The following CFAP92 variants were observed in gnomAD, a reference collection of about 807,000 sequenced individuals.
The protein encoded by CFAP92 is cilia and flagella associated protein 92 (putative), also known as uncharacterized protein CFAP92.
In CFAP92, 86 loss-of-function variants were observed where a neutral mutation model predicts 106.3. The observed-to-expected ratio is 0.81, with a 90% CI of 0.68 to 0.97. The LOEUF is 0.97. Ranked by LOEUF, CFAP92 falls within the 50% of genes least tolerant of loss-of-function variation. CFAP92 has a pLI of 0.00. For missense variants in CFAP92, 1,204 were observed against 1,283.8 expected (o/e 0.94, Z 0.95); for synonymous variants, 477 against 506.4 (o/e 0.94, Z 0.78).
chr3:128,911,528 C>CCACCA lies in CFAP92; in HGVS notation c.3281-1196_3281-1195insTGGTG, dbSNP rs1175499491. The stretch of plus-strand genomic sequence containing the variant: ...TCTTGGCTCACTGCAACCTCCACCT[C>CCACCA]CTGGGTTCAAGCAACTCCTGTGCCT... On this transcript the variant is annotated intron_variant, in intron 15 of 15. Transcript: ENST00000645291. 3.9e-5 allele frequency among the ~76,000 whole-genome samples: 6 copies of CCACCA among 152,322 alleles called. No homozygotes were observed. In the East Asian group the frequency reaches 1.2e-3, roughly 29 times the overall value.
intron 9 of CFAP92, among the ~76,000 whole-genome samples, chr3:128,961,314 C>T (rs1941897876): frequency 6.6e-6 from 1 of 150,796 alleles, no homozygotes; most frequent in Admixed American, 6.6e-5. Context: ...TCTTTCCCTC[C>T]CGCCTGTCCC....
In CFAP92 at chr3:128,980,881, C is replaced by T. The variant is rs373998862; in HGVS notation, c.668-2696G>A. Among the ~76,000 whole-genome samples, 223 of 152,258 alleles carry T rather than the reference C, an allele frequency of 1.5e-3. 2 individuals are homozygous for T. In the Middle Eastern group the frequency reaches 0.041, roughly 28 times the overall value. ...TTTCCACCACATCTGCAGTGACTTG[C>T]TCCACTGAAGACTTGAACCCTTCAG... On this transcript the variant is annotated intron_variant, in intron 4 of 15. Coordinates refer to ENST00000645291, the MANE Select transcript of CFAP92 (RefSeq NM_001394090.1).
chr3:129,016,544 G>C, the CFAP92 span, among the ~76,000 whole-genome samples: 1 of 148,604 alleles, frequency 6.7e-6, no homozygotes, highest in South Asian at 2.4e-4. Context: ...GTGCCCGTGA[G>C]CTCCACCTGC....
intron 8 of CFAP92, 54 bp downstream of exon 8, chr3:128,971,232 CG>C: frequency 6.2e-7 from 1 of 1,611,952 alleles, no homozygotes; most frequent in Non-Finnish European, 8.5e-7. Flanking sequence ...CGCTTATGGC[CG>C]TTCTGGCCAC....
intron 9 of CFAP92, among the ~76,000 whole-genome samples, chr3:128,952,649 T>C (rs1157853924): frequency 6.6e-6 from 1 of 152,118 alleles, no homozygotes; most frequent in African/African-American, 2.4e-5. Flanking sequence ...GGTGTGGTGG[T>C]GCATGCCTTT....
At chr3:128,911,828 T>C (rs1936361723) in intron 15 of CFAP92, among the ~76,000 whole-genome samples, 1 of 152,224 alleles carries the variant, frequency 6.6e-6, no homozygotes, top group South Asian at 2.1e-4. Context: ...GCATTTTACC[T>C]GCCCCTTTAC....
At chr3:128,931,865 A>G (rs1938431520) in intron 12 of CFAP92, among the ~76,000 whole-genome samples, 1 of 151,006 alleles carries the variant, frequency 6.6e-6, no homozygotes, top group Admixed American at 6.6e-5. Flanking sequence ...TCTAAAAAAA[A>G]AGTAAAAAAA....
upstream of CFAP92, chr3:129,003,651 C>G: frequency 1.2e-6 from 1 of 849,956 alleles, no homozygotes; most frequent in East Asian, 4.0e-5. Context: ...ACCTAAGGGC[C>G]TGGCACCCGG....
rs768809095 is a variant in CFAP92, at chr3:128,910,062, C to T, written c.*237G>A. On this transcript the variant is annotated 3_prime_UTR_variant, in exon 16 of 16. Coordinates refer to ENST00000645291, the MANE Select transcript of CFAP92 (RefSeq NM_001394090.1). ...AGCTGGTACTGAAGCGGGTGGCCAACATCCTCATCAACCTGTATGGCATGA... is the reference window on the plus strand; with the variant it reads ...AGCTGGTACTGAAGCGGGTGGCCAATATCCTCATCAACCTGTATGGCATGA... 16 of 1,613,890 alleles carry T rather than the reference C, an allele frequency of 9.9e-6. No individual in the cohort carries two copies. Among genetic ancestry groups the T allele is most frequent in the Admixed American group, 1.7e-5 (1 of 59,990 alleles).
At chr3:128,915,072 T>C in intron 15 of CFAP92, 47 bp downstream of exon 15, 2 of 1,521,042 alleles carry the variant, frequency 1.3e-6, no homozygotes, top group African/African-American at 2.7e-5. Flanking sequence ...AGCTCCTGCC[T>C]GCCCACGGCA....
Position 128,932,797 on chromosome 3 carries a change from G to C in CFAP92, c.2654C>G (p.Thr885Ser). ...GTGGGCGTGGATCTCTAAGGTGAGG[G>C]TGGAGTTCCGACTGTGGTAGTCCTC... ...NLEDYHSRNS[T>S]LTLEIHAHQE... Residue 885 changes from threonine to serine, a missense_variant, in exon 12 of 16, where the codon ACC (threonine) becomes AGC (serine). Physicochemically the swap from Thr to Ser is moderately conservative, Grantham distance 58 (BLOSUM62 1). Coordinates refer to ENST00000645291, the MANE Select transcript of CFAP92 (RefSeq NM_001394090.1). 1 of 1,536,256 alleles carries C rather than the reference G, an allele frequency of 6.5e-7. No individual in the cohort carries two copies. The highest frequency in any genetic ancestry group is 8.7e-7 in the Non-Finnish European group (1 of 1,146,938).
intron 12 of CFAP92, among the ~76,000 whole-genome samples, chr3:128,921,260 G>A (rs999139774): frequency 1.3e-5 from 2 of 152,178 alleles, no homozygotes; most frequent in Non-Finnish European, 2.9e-5. Flanking sequence ...TGTGAAAGAG[G>A]ATGCATCATC....
At chr3:129,016,324 A>G in the CFAP92 span, among the ~76,000 whole-genome samples, 1 of 152,142 alleles carries the variant, frequency 6.6e-6, no homozygotes, top group Non-Finnish European at 1.5e-5. Flanking sequence ...GTGAAAGAGA[A>G]GTTCCACCTG....
rs569951601 is a variant in CFAP92 at position 128,921,547 on chromosome 3, G to A, written c.2752-5276C>T. Among the ~76,000 whole-genome samples the A allele has an allele frequency of 2.0e-5, 3 of 152,324 alleles. No homozygotes were observed. In the East Asian group the frequency reaches 5.8e-4, roughly 29 times the overall value. On this transcript the variant is annotated intron_variant, in intron 12 of 15. Coordinates refer to ENST00000645291, the MANE Select transcript of CFAP92 (RefSeq NM_001394090.1). ...CAGGCTATGGCTGGATTGAAAGTAG[G>A]AAAGAATATGCCCCATTTCTTGGGC...
chr3:128,979,941 TATA>T (rs1395595149), intron 4 of CFAP92, among the ~76,000 whole-genome samples: 18 of 69,752 alleles, frequency 2.6e-4, no homozygotes, highest in South Asian at 1.3e-3. Context: ...AAACTTAAAG[TATA>T]ATAATATATA....
chr3:128,915,431 C>T lies in CFAP92; in HGVS notation c.3049G>A (p.Val1017Met). The change falls in exon 14 of 16, where the codon GTG becomes ATG. Residue 1017 changes from valine to methionine, a missense_variant. By Grantham distance (21) the Val-to-Met change is conservative. Transcript: ENST00000645291. ...TCGGTGTCGCTCTGAAGACCTGTCA[C>T]TTGGAATCCCCTGGCTGTGAGCCAG... is the stretch of plus-strand genomic sequence containing the variant. ...QAWLTARGFQVTGLQSDTESS... is the reference protein window; with the variant it reads ...QAWLTARGFQMTGLQSDTESS... 3 of 1,536,174 alleles carry T rather than the reference C, an allele frequency of 2.0e-6. No homozygotes were observed. The highest frequency in any genetic ancestry group is 1.2e-5 in the South Asian group (1 of 84,064).
intron 2 of CFAP92, chr3:128,991,701 C>T (rs1196708793): frequency 2.2e-6 from 2 of 927,142 alleles, no homozygotes; most frequent in African/African-American, 1.8e-5. Flanking sequence ...TGCACCAAGG[C>T]GTTCATTGAA....
At chr3:128,927,220 C>T (rs902086737) in intron 12 of CFAP92, among the ~76,000 whole-genome samples, 1 of 152,102 alleles carries the variant, frequency 6.6e-6, no homozygotes, top group Admixed American at 6.6e-5. Context: ...TTAAACCGAA[C>T]TTGTCAGACT....
the CFAP92 span, among the ~76,000 whole-genome samples, chr3:129,018,049 C>T: frequency 2.0e-5 from 3 of 152,192 alleles, no homozygotes; most frequent in Non-Finnish European, 2.9e-5. Context: ...CCTGGCCATA[C>T]AAGAGGGTCC....
Sources: gnomAD v4.1 joint callset for allele counts (sites outside exome capture counted in the v4.1 genomes callset) on GRCh38, gnomAD v4.1.1 for gene constraint, MANE v1.5 for transcripts, NCBI Gene and HGNC (gene_info 2026-07-23, HGNC 2026-07-21) for gene names.